CUX1: variants seen among roughly 807,000 people sequenced by gnomAD.
CUX1 encodes cut like homeobox 1.
In CUX1, 31 loss-of-function variants were observed where a neutral mutation model predicts 158.8. The observed-to-expected ratio is 0.20, with a 90% CI of 0.15 to 0.26. The LOEUF (loss-of-function observed/expected upper bound fraction) is 0.26. Ranked by LOEUF, CUX1 falls within the 10% of genes least tolerant of loss-of-function variation. CUX1 has a pLI of 1.00. For missense variants in CUX1, 1,589 were observed against 2,014.6 expected (o/e 0.79, Z 4.04); for synonymous variants, 879 against 862.1 (o/e 1.02, Z -0.34).
At chr7:101,962,540 G>C (rs991157624) in intron 2 of CUX1, among the ~76,000 whole-genome samples, 11 of 152,240 alleles carry the variant, frequency 7.2e-5, no homozygotes, top group Middle Eastern at 6.8e-3. Flanking sequence ...ATGGGTTCTG[G>C]TTTGTAGGCA....
At chr7:102,058,827 A>AGG (rs1030205773) in intron 3 of CUX1, among the ~76,000 whole-genome samples, 31 of 152,272 alleles carry the variant, frequency 2.0e-4, no homozygotes, top group African/African-American at 6.5e-4. Flanking sequence ...GAGGTAGGAG[A>AGG]GGGGAGCATT....
intron 4 of CUX1, among the ~76,000 whole-genome samples, chr7:102,084,318 T>TATA (rs1475720347): frequency 2.0e-5 from 3 of 149,038 alleles, no homozygotes; most frequent in Non-Finnish European, 4.4e-5. Flanking sequence ...GTAATGTTTA[T>TATA]ATAATAATAA....
chr7:101,852,087 C>T (rs953361201), intron 1 of CUX1, among the ~76,000 whole-genome samples: 1 of 151,940 alleles, frequency 6.6e-6, no homozygotes, highest in African/African-American at 2.4e-5. Context: ...ACCTTGGCCT[C>T]CCAAAGTGCT....
Position 101,965,629 on chromosome 7 carries a change from C to T in CUX1, c.141+49404C>T, listed in dbSNP as rs201928877. 6.6e-5 allele frequency among the ~76,000 whole-genome samples: 10 copies of T among 152,056 alleles called. No homozygotes were observed. In the South Asian group the frequency reaches 1.7e-3, roughly 25 times the overall value. On this transcript the variant is annotated intron_variant, in intron 2 of 23. Coordinates refer to ENST00000292535, the MANE Select transcript of CUX1 (RefSeq NM_181552.4). ...TTGGGAGGCCGAGGTGGGCGGATCACGAGGTCAGGAGATCGAGACCATCCT... is the reference window on the plus strand; with the variant it reads ...TTGGGAGGCCGAGGTGGGCGGATCATGAGGTCAGGAGATCGAGACCATCCT...
chr7:101,966,590 C>A (rs1428379707), intron 2 of CUX1, among the ~76,000 whole-genome samples: 2 of 152,074 alleles, frequency 1.3e-5, no homozygotes, highest in Non-Finnish European at 2.9e-5. Flanking sequence ...TGATTGCAGG[C>A]TGCTGGAGCT....
At chr7:102,014,138 T>C (rs1215772775) in intron 2 of CUX1, among the ~76,000 whole-genome samples, 1 of 152,172 alleles carries the variant, frequency 6.6e-6, no homozygotes, top group African/African-American at 2.4e-5. Flanking sequence ...CTATCTCTGT[T>C]CAGGTCCCTG....
chr7:102,060,121 C>CA (rs35914570), intron 3 of CUX1, among the ~76,000 whole-genome samples: 82,173 of 151,428 alleles, frequency 0.54, 24,297 homozygotes, highest in East Asian at 0.97. Context: ...TAAAAAAATA[C>CA]AAAAAAAGTA....
intron 3 of CUX1, among the ~76,000 whole-genome samples, chr7:102,040,207 T>C (rs1821908205): frequency 6.6e-6 from 1 of 152,138 alleles, no homozygotes; most frequent in African/African-American, 2.4e-5. Flanking sequence ...GGAGACACAC[T>C]GGGTCTTGGG....
At chr7:101,994,870 A>T (rs1815635784) in intron 2 of CUX1, among the ~76,000 whole-genome samples, 1 of 149,554 alleles carries the variant, frequency 6.7e-6, no homozygotes, top group Admixed American at 6.8e-5. Context: ...CAGGAGGACC[A>T]CTTGAGCCCA....
At chr7:102,108,000 T>G (rs564599690) in intron 6 of CUX1, among the ~76,000 whole-genome samples, 1 of 152,208 alleles carries the variant, frequency 6.6e-6, no homozygotes. Context: ...CTTGACCCCG[T>G]TGATACGGAT....
intron 18 of CUX1, 130 bp downstream of exon 18, chr7:102,202,334 G>A: frequency 7.8e-7 from 1 of 1,278,438 alleles, no homozygotes; most frequent in Non-Finnish European, 1.1e-6. Flanking sequence ...GGCATCCTCT[G>A]CTCCCAGACT....
chr7:102,225,837 T>G (rs1252890373), intron 20 of CUX1, among the ~76,000 whole-genome samples: 1 of 152,166 alleles, frequency 6.6e-6, no homozygotes, highest in African/African-American at 2.4e-5. Context: ...AAAAAAAATT[T>G]TACAAGACCC....
At chr7:101,981,889 C>T (rs767844412) in intron 2 of CUX1, among the ~76,000 whole-genome samples, 3 of 152,272 alleles carry the variant, frequency 2.0e-5, no homozygotes, top group Non-Finnish European at 2.9e-5. Flanking sequence ...GGATTACAGG[C>T]GTGAGCCACC....
intron 2 of CUX1, among the ~76,000 whole-genome samples, chr7:101,917,607 G>T (rs1452996917): frequency 6.6e-6 from 1 of 152,194 alleles, no homozygotes; most frequent in African/African-American, 2.4e-5. Context: ...AGGAAAAAAA[G>T]AGCTGGGGAC....
intron 4 of CUX1, among the ~76,000 whole-genome samples, chr7:102,073,846 A>G (rs1469949340): frequency 2.0e-5 from 3 of 152,198 alleles, no homozygotes; most frequent in Admixed American, 2.0e-4. Flanking sequence ...TGAAGTTTGC[A>G]GTTTAAATTG....
intron 1 of CUX1, among the ~76,000 whole-genome samples, chr7:101,829,967 T>C (rs1793794280): frequency 6.6e-6 from 1 of 152,188 alleles, no homozygotes; most frequent in Admixed American, 6.5e-5. Flanking sequence ...GAGAGAGGCC[T>C]GGTCATGGGG....
chr7:102,187,534 C>T (rs1793764183), intron 11 of CUX1, among the ~76,000 whole-genome samples: 1 of 152,166 alleles, frequency 6.6e-6, no homozygotes, highest in Admixed American at 6.5e-5. Flanking sequence ...TGTCGGCCTT[C>T]TTGGTCTGTG....
At chr7:102,279,362 T>TA (rs1554548598) in intron 18 of CUX1, among the ~76,000 whole-genome samples, 1 of 151,920 alleles carries the variant, frequency 6.6e-6, no homozygotes. Context: ...TAAGCAATAA[T>TA]AAAAAATGTA....
intron 3 of CUX1, among the ~76,000 whole-genome samples, chr7:102,060,165 C>T (rs1480585121): frequency 1.3e-5 from 2 of 151,942 alleles, no homozygotes; most frequent in Non-Finnish European, 2.9e-5. Context: ...GTAGTCCTAG[C>T]TACTTGGGAG....
Sources: allele counts gnomAD v4.1 joint callset (sites outside exome capture counted in the v4.1 genomes callset), GRCh38; gene constraint gnomAD v4.1.1; transcripts MANE v1.5; gene names NCBI Gene and HGNC (gene_info 2026-07-23, HGNC 2026-07-21).